The following NEU4 variants were observed in gnomAD, a reference collection of about 807,000 sequenced individuals.
NEU4 encodes sialidase-4.
NEU4 carries 7 observed loss-of-function variants against 9.9 expected under a neutral mutation model. The ratio of observed to expected loss-of-function variants is 0.71; its 90% CI spans 0.40 to 1.33. NEU4 has a LOEUF of 1.33. Ranked by LOEUF, NEU4 falls within the 40% of genes most tolerant of loss-of-function variation. NEU4 has a pLI of 0.01. For missense variants in NEU4, 717 were observed against 712.6 expected (o/e 1.01, Z -0.07); for synonymous variants, 348 against 316.9 (o/e 1.10, Z -1.04).
chr2:241,813,931 G>A, intron 1 of NEU4: 1 of 303,536 alleles, frequency 3.3e-6, no homozygotes, highest in Non-Finnish European at 6.6e-6. Flanking sequence ...TTCAGGAAGT[G>A]GGAGCCGATC....
chr2:241,812,062 A>G (rs1700133042), intron 1 of NEU4: 1 of 72,342 alleles, frequency 1.4e-5, no homozygotes, highest in African/African-American at 8.5e-5. Flanking sequence ...TGCTGACCCC[A>G]GAGGGTGTGC....
intron 1 of NEU4, chr2:241,810,939 T>C (rs577533785): frequency 1.0e-6 from 1 of 990,722 alleles, no homozygotes; most frequent in East Asian, 1.1e-4. Context: ...GACATTGCGA[T>C]GGGGTGCTGG....
In NEU4 at chr2:241,816,454, C is replaced by T; in HGVS notation, c.861C>T (p.Ala287=). 2 of 1,608,992 alleles carry T rather than the reference C, an allele frequency of 1.2e-6. No homozygotes were observed. Among genetic ancestry groups the T allele is most frequent in the Non-Finnish European group, 8.5e-7 (1 of 1,178,868 alleles). Residue 287 remains alanine (A), a synonymous_variant, in exon 4 of 4, where the codon GCC becomes GCT. Coordinates refer to ENST00000407683, the MANE Select transcript of NEU4 (RefSeq NM_001167600.3). The part of the protein sequence containing the change: ...QGSIVGFPAP[A]PNRPRDDSWS... ...GCATCGTGGGCTTCCCAGCCCCCGC[C>T]CCCAACAGGCCACGGGATGACAGTT...
intron 1 of NEU4, among the ~76,000 whole-genome samples, chr2:241,812,301 G>T (rs980530519): frequency 6.6e-6 from 1 of 152,098 alleles, no homozygotes; most frequent in African/African-American, 2.4e-5. Context: ...TCTCCTGGAG[G>T]TCCCATCTCC....
At position 241,815,132 on chromosome 2, in the gene NEU4, G is replaced by C; in HGVS notation, c.442G>C (p.Gly148Arg). ...SARDLTEEAI[G>R]GAVQDWATFA... ...CCGGGACCTCACCGAGGAGGCCATC[G>C]GTGGTGCCGTGCAGGGTAGGCGGGC... Residue 148 changes from glycine (G) to arginine (R), a missense_variant, in exon 3 of 4, where the codon GGT (glycine) becomes CGT (arginine). Transcript: ENST00000407683. 6.4e-7 allele frequency: 1 copy of C among 1,567,380 alleles called. No individual in the cohort carries two copies.
chr2:241,816,670 C>T lies in NEU4; in HGVS notation c.1077C>T (p.Ser359=). 6.5e-7 allele frequency: 1 copy of T among 1,528,498 alleles called. No homozygotes were observed. The highest frequency in any genetic ancestry group is 2.4e-5 in the East Asian group (1 of 42,066). The allele number at this position is 1,528,498 out of a possible 1,614,324, so 94.7% of individuals were successfully genotyped here. A position where few individuals can be genotyped will look rare whatever the true frequency, so the allele number is the denominator to read the frequency against. ...CTGGGGTCAGTGGGGATGTGGGGTC[C>T]TGGACCCTGGCACTCCCCATGCCCT... The part of the protein sequence containing the change: ...PRPGVSGDVG[S]WTLALPMPFA... Residue 359 remains serine (S), a synonymous_variant, in exon 4 of 4, where the codon TCC becomes TCT. Transcript: ENST00000407683.
At chr2:241,813,801 C>T (rs1421598839) in intron 1 of NEU4, 7 of 308,236 alleles carry the variant, frequency 2.3e-5, no homozygotes, top group Admixed American at 9.7e-5. Flanking sequence ...CCCCCGATGA[C>T]GTTCAGGAAG....
At position 241,816,804 on chromosome 2, in the gene NEU4, G is replaced by T. The variant is rs772533582; in HGVS notation, c.1211G>T (p.Arg404Leu). Residue 404 changes from arginine (R) to leucine (L), a missense_variant, in exon 4 of 4, where the codon CGC becomes CTC. Physicochemically the swap from Arg to Leu is moderately radical, Grantham distance 102 (BLOSUM62 -2). Coordinates refer to ENST00000407683, the MANE Select transcript of NEU4 (RefSeq NM_001167600.3). ...CTGAGCCAGTCCCCGCTGGACCCGCGCAGCTGGACAGAGCCCTGGGTGATC... is the reference window on the plus strand; with the variant it reads ...CTGAGCCAGTCCCCGCTGGACCCGCTCAGCTGGACAGAGCCCTGGGTGATC... ...IRLSQSPLDPRSWTEPWVIYE... is the reference protein window; with the variant it reads ...IRLSQSPLDPLSWTEPWVIYE... 13 of 1,604,536 alleles carry T rather than the reference G, an allele frequency of 8.1e-6. No homozygotes were observed. The highest frequency in any genetic ancestry group is 2.7e-5 in the African/African-American group (2 of 74,736).
intron 1 of NEU4, chr2:241,813,420 C>T (rs1489064518): frequency 4.6e-6 from 5 of 1,098,266 alleles, no homozygotes; most frequent in Non-Finnish European, 5.6e-6. Context: ...AGCGTTCCCA[C>T]TGTCTGCAGC....
chr2:241,815,813 C>T (rs1021226822), intron 3 of NEU4: 49 of 596,364 alleles, frequency 8.2e-5, no homozygotes, highest in East Asian at 2.2e-4. Context: ...GTGTGGGCAG[C>T]GCTCACCAGC....
At position 241,813,581 on chromosome 2, in the gene NEU4, T is replaced by G. The variant is rs536186315; in HGVS notation, c.-3-901T>G. ...ATGCCCCCTCACCCGGGCCCTGCCC[T>G]GGTGGGTGTTGCCTGGGAGCAAACT... On this transcript the variant is annotated intron_variant, in intron 1 of 3. Coordinates refer to ENST00000407683, the MANE Select transcript of NEU4 (RefSeq NM_001167600.3). 1.7e-5 allele frequency: 21 copies of G among 1,232,984 alleles called. No homozygotes were observed. The African/African-American group carries it at 3.1e-4, about 18-fold the overall frequency. The allele number at this position is 1,232,984 out of a possible 1,614,324, so 76.4% of individuals were successfully genotyped here. A position where few individuals can be genotyped will look rare whatever the true frequency, so the allele number is the denominator to read the frequency against.
At chr2:241,813,034 C>G (rs760986407) in intron 1 of NEU4, among the ~76,000 whole-genome samples, 1 of 152,198 alleles carries the variant, frequency 6.6e-6, no homozygotes, top group Admixed American at 6.5e-5. Flanking sequence ...TCAGAAGCCG[C>G]GCACTGGTGG....
At chr2:241,809,548 C>T (rs910085023) in intron 1 of NEU4, 69 of 333,260 alleles carry the variant, frequency 2.1e-4, no homozygotes, top group African/African-American at 1.4e-3. Context: ...GAAAGCTTCC[C>T]CCGGGTGGCT....
rs1277809387 is a variant in NEU4 at position 241,814,570 on chromosome 2, C to T, written c.86C>T (p.Pro29Leu). 3 of 1,612,448 alleles carry T rather than the reference C, an allele frequency of 1.9e-6. No homozygotes were observed. Among genetic ancestry groups the T allele is most frequent in the Non-Finnish European group, 2.5e-6 (3 of 1,179,836 alleles). Residue 29 changes from proline to leucine, a missense_variant, in exon 2 of 4, where the codon CCC becomes CTC. Pro to Leu is a moderately conservative substitution (Grantham distance 98). Coordinates refer to ENST00000407683, the MANE Select transcript of NEU4 (RefSeq NM_001167600.3). ...ACCTACCGCGTGCCCTCGCTGCTCCCCGTGCCCCCCGGGCCCACCCTGCTG... is the reference window on the plus strand; with the variant it reads ...ACCTACCGCGTGCCCTCGCTGCTCCTCGTGCCCCCCGGGCCCACCCTGCTG... ...GLTYRVPSLL[P>L]VPPGPTLLAF...
intron 1 of NEU4, chr2:241,813,402 G>A: frequency 1.8e-6 from 2 of 1,089,500 alleles, no homozygotes; most frequent in Non-Finnish European, 2.3e-6. Flanking sequence ...CCTGCATGGT[G>A]GAGGACCAGC....
chr2:241,816,079 C>T lies in NEU4; in HGVS notation c.486C>T (p.Gly162=), dbSNP rs1219431011. Residue 162 remains glycine (G), a synonymous_variant, in exon 4 of 4, where the codon GGC becomes GGT. Transcript: ENST00000407683. ...GGGCCACATTCGCTGTGGGTCCCGG[C>T]CACGGTGTGCAGCTGCCCTCAGGCC... is the stretch of plus-strand genomic sequence containing the variant. The part of the protein sequence containing the change: ...QDWATFAVGP[G]HGVQLPSGRL... 1 of 1,608,766 alleles carries T rather than the reference C, an allele frequency of 6.2e-7. No individual in the cohort carries two copies. Among genetic ancestry groups the T allele is most frequent in the African/African-American group, 1.3e-5 (1 of 74,940 alleles).
chr2:241,809,635 G>A, intron 1 of NEU4: 1 of 241,952 alleles, frequency 4.1e-6, no homozygotes, highest in Non-Finnish European at 8.2e-6. Flanking sequence ...GACAGTTGGG[G>A]GTTGGTGGGA....
At chr2:241,810,260 G>C (rs942485098) in intron 1 of NEU4, among the ~76,000 whole-genome samples, 6 of 152,170 alleles carry the variant, frequency 3.9e-5, no homozygotes, top group Non-Finnish European at 7.4e-5. Context: ...AAGCCACTTG[G>C]GGGAAGCTTT....
rs1291696769 is a variant in NEU4, at chr2:241,816,611, C to CG, written c.1024dup (p.Asp342GlyfsTer89). 4.4e-6 allele frequency: 7 copies of CG among 1,579,960 alleles called. No individual in the cohort carries two copies. In the South Asian group the frequency reaches 5.8e-5, roughly 13 times the overall value. ...TGGGCCCTTCAGCCGTCTGCAGCCT[C>CG]GGGGGGATGGCCCCAGGCAGCCTGG... On this transcript the variant is annotated frameshift_variant, in exon 4 of 4. Transcript: ENST00000407683. LOFTEE classifies it low-confidence loss of function (END_TRUNC).
Sources: gnomAD v4.1 joint callset for allele counts (sites outside exome capture counted in the v4.1 genomes callset) on GRCh38, gnomAD v4.1.1 for gene constraint, MANE v1.5 for transcripts, NCBI Gene and HGNC (gene_info 2026-07-23, HGNC 2026-07-21) for gene names.